TMEM26: variants seen among roughly 807,000 people sequenced by gnomAD.
TMEM26 encodes the protein transmembrane protein 26.
Under a neutral mutation model 28.8 loss-of-function variants are expected in TMEM26, and 38 were observed. That is an observed-to-expected ratio of 1.32 (90% CI 1.02 to 1.73). TMEM26 has a LOEUF of 1.73. TMEM26 is among the 40% of genes most tolerant of loss of function. TMEM26 has a pLI of 0.00. For missense variants in TMEM26, 518 were observed against 447.1 expected, an observed-to-expected ratio of 1.16 and a Z score of -1.43; for synonymous variants, 227 against 182.9, an observed-to-expected ratio of 1.24 and a Z score of -1.95.
At chr10:61,421,508 G>A in intron 4 of TMEM26, among the ~76,000 whole-genome samples, 1 of 152,038 alleles carries the variant, frequency 6.6e-6, no homozygotes, top group East Asian at 1.9e-4. Context: ...TTAAGATGAG[G>A]TCATATGGAT....
rs1484710415 is a variant in TMEM26, at chr10:61,410,097, CT to C, written c.*224del. ...AACAAATCACTTAGTCGTTGAACAACTATAACATCTGATACCATCACACAGA... is the reference window on the plus strand; with the variant it reads ...AACAAATCACTTAGTCGTTGAACAACATAACATCTGATACCATCACACAGA... On this transcript the variant is annotated 3_prime_UTR_variant, in exon 6 of 6. Coordinates refer to ENST00000399298, the MANE Select transcript of TMEM26 (RefSeq NM_178505.8). The C allele has an allele frequency of 1.8e-6, 1 of 568,722 alleles. No homozygotes were observed. Among genetic ancestry groups the C allele is most frequent in the Non-Finnish European group, 3.1e-6 (1 of 321,826 alleles). 35.2% of individuals were successfully genotyped at this position (568,722 alleles called of 1,614,324 possible).
At chr10:61,441,035 T>G (rs1167381761) in intron 1 of TMEM26, among the ~76,000 whole-genome samples, 1 of 152,192 alleles carries the variant, frequency 6.6e-6, no homozygotes, top group Non-Finnish European at 1.5e-5. Flanking sequence ...TACAGTATTG[T>G]TTTTTATTTG....
chr10:61,431,300 C>T lies in TMEM26; in HGVS notation c.303G>A (p.Gln101=). 6.2e-7 allele frequency: 1 copy of T among 1,613,098 alleles called. No homozygotes were observed. Among genetic ancestry groups the T allele is most frequent in the Non-Finnish European group, 8.5e-7 (1 of 1,179,320 alleles). ...YCSIQAEGTS[Q]NTSRKEDFNQ... ...TGAAGTCTTCTTTTCTGCTGGTATT[C>T]TGTGATGTTCCTTCAGCCTGGATAC... Residue 101 remains glutamine (Q), a synonymous_variant, in exon 3 of 6, where the codon CAG becomes CAA. Coordinates refer to ENST00000399298, the MANE Select transcript of TMEM26 (RefSeq NM_178505.8).
intron 1 of TMEM26, among the ~76,000 whole-genome samples, chr10:61,442,247 C>T (rs1840107230): frequency 6.6e-6 from 1 of 152,004 alleles, no homozygotes; most frequent in Non-Finnish European, 1.5e-5. Flanking sequence ...CAATTTAGCC[C>T]TGCAGTAGAT....
chr10:61,413,567 TA>T (rs773426877), intron 4 of TMEM26, 32 bp from the exon 5 acceptor site: 1 of 1,576,898 alleles, frequency 6.3e-7, no homozygotes, highest in Non-Finnish European at 8.6e-7. Context: ...AAATTTGTAA[TA>T]AAAAGTATGA....
chr10:61,452,963 G>T lies in TMEM26; in HGVS notation c.119C>A (p.Ala40Glu), dbSNP rs1466041446. Residue 40 changes from alanine (A) to glutamate (E), a missense_variant, in exon 1 of 6, where the codon GCG becomes GAG. By Grantham distance (107) the Ala-to-Glu change is moderately radical. Coordinates refer to ENST00000399298, the MANE Select transcript of TMEM26 (RefSeq NM_178505.8). ...CAGGAAGAGCAAGAGGTTGAGCAGC[G>T]CAAGCAGCCAGTACCGCGGCTCCTT... ...VKKEPRYWLL[A>E]LLNLLLFLET... 2.5e-6 allele frequency: 4 copies of T among 1,613,932 alleles called. No individual in the cohort carries two copies. Among genetic ancestry groups the T allele is most frequent in the Non-Finnish European group, 3.4e-6 (4 of 1,180,020 alleles).
intron 1 of TMEM26, among the ~76,000 whole-genome samples, chr10:61,445,273 G>A (rs1214604404): frequency 5.3e-5 from 8 of 152,128 alleles, no homozygotes; most frequent in African/African-American, 1.2e-4. Context: ...TTATTTTGAG[G>A]CTATTTCAGG....
chr10:61,441,228 A>T lies in TMEM26; in HGVS notation c.192-4980T>A, dbSNP rs1589042266. Reference sequence around the variant, plus strand: ...CTCGCCACAAACATTTAGTGATTCGATAAGGCTCTGGTTGATTTACAGTTT... The same window carrying T: ...CTCGCCACAAACATTTAGTGATTCGTTAAGGCTCTGGTTGATTTACAGTTT... On this transcript the variant is annotated intron_variant, in intron 1 of 5. Transcript: ENST00000399298. Among the ~76,000 whole-genome samples, 5 of 152,312 alleles carry T rather than the reference A, an allele frequency of 3.3e-5. No individual in the cohort carries two copies. In the South Asian group the frequency reaches 1.0e-3, roughly 32 times the overall value.
At chr10:61,427,453 G>A (rs1589033383) in intron 4 of TMEM26, among the ~76,000 whole-genome samples, 1 of 152,082 alleles carries the variant, frequency 6.6e-6, no homozygotes, top group Non-Finnish European at 1.5e-5. Flanking sequence ...AATGCCTTAT[G>A]GTTTTCAAGA....
chr10:61,410,385 C>T lies in TMEM26; in HGVS notation c.1044G>A (p.Glu348=), dbSNP rs375134187. Reference sequence around the variant, plus strand: ...AGCCCCGCAAAGGAATAGCCAGGCCCTCCTTAGACTCGTTCTGCCAGTCCC... The same window carrying T: ...AGCCCCGCAAAGGAATAGCCAGGCCTTCCTTAGACTCGTTCTGCCAGTCCC... The part of the protein sequence containing the change: ...SQRDWQNESK[E]GLAIPLRGSP... Residue 348 remains glutamate (E), a synonymous_variant, in exon 6 of 6, where the codon GAG becomes GAA. Transcript: ENST00000399298. 38 of 1,613,856 alleles carry T rather than the reference C, an allele frequency of 2.4e-5. No homozygotes were observed. In the East Asian group the frequency reaches 8.0e-4, roughly 34 times the overall value.
chr10:61,425,305 C>T (rs1426066808), intron 4 of TMEM26, among the ~76,000 whole-genome samples: 2 of 152,056 alleles, frequency 1.3e-5, no homozygotes, highest in Non-Finnish European at 2.9e-5. Context: ...GTGGGAGTTA[C>T]AATTCAAGAT....
At position 61,415,191 on chromosome 10, in the gene TMEM26, A is replaced by G. The variant is rs946615514; in HGVS notation, c.606-1656T>C. On this transcript the variant is annotated intron_variant, in intron 4 of 5. Transcript: ENST00000399298. ...AATAGAATTGGATAGAAGAAAGAGC[A>G]TTTCACAGCAGCAGCCATAAAAAAG... 14 of 981,384 alleles carry G rather than the reference A, an allele frequency of 1.4e-5. No homozygotes were observed. In the Admixed American group the frequency reaches 6.8e-4, roughly 47 times the overall value. The allele number at this position is 981,384 out of a possible 1,614,324, so 60.8% of individuals were successfully genotyped here. A position where few individuals can be genotyped will look rare whatever the true frequency, so the allele number is the denominator to read the frequency against.
chr10:61,430,523 T>G (rs752345502), intron 3 of TMEM26, among the ~76,000 whole-genome samples: 45 of 151,010 alleles, frequency 3.0e-4, no homozygotes, highest in Non-Finnish European at 6.0e-4. Flanking sequence ...AAACTGCCTC[T>G]GTTCACAGTT....
intron 4 of TMEM26, among the ~76,000 whole-genome samples, chr10:61,423,075 T>C (rs146170054): frequency 2.0e-4 from 31 of 152,216 alleles, no homozygotes; most frequent in African/African-American, 6.7e-4. Context: ...TGGACAACTT[T>C]ATGACAAAAA....
At chr10:61,441,409 T>A (rs552484177) in intron 1 of TMEM26, among the ~76,000 whole-genome samples, 1 of 152,354 alleles carries the variant, frequency 6.6e-6, no homozygotes, top group Non-Finnish European at 1.5e-5. Context: ...ATCTTTGCCA[T>A]TAATTACTAT....
chr10:61,441,727 C>T (rs1840096321), intron 1 of TMEM26, among the ~76,000 whole-genome samples: 1 of 152,104 alleles, frequency 6.6e-6, no homozygotes, highest in Non-Finnish European at 1.5e-5. Context: ...AAAATTTTTA[C>T]AAATGGACAA....
intron 1 of TMEM26, among the ~76,000 whole-genome samples, chr10:61,451,179 C>T (rs1204591483): frequency 6.6e-6 from 1 of 152,172 alleles, no homozygotes; most frequent in Non-Finnish European, 1.5e-5. Context: ...TTATCCCAAC[C>T]ATTTTTCCTC....
chr10:61,421,169 T>C (rs1386693999), intron 4 of TMEM26, among the ~76,000 whole-genome samples: 4 of 151,956 alleles, frequency 2.6e-5, no homozygotes, highest in Admixed American at 2.6e-4. Context: ...AAATGTATAT[T>C]GTAACCCCTA....
chr10:61,428,579 T>C (rs1839868961), intron 4 of TMEM26, among the ~76,000 whole-genome samples: 1 of 152,044 alleles, frequency 6.6e-6, no homozygotes, highest in African/African-American at 2.4e-5. Flanking sequence ...CACTTGGGAA[T>C]GGAAAAGAGG....
Sources: allele counts gnomAD v4.1 joint callset (sites outside exome capture counted in the v4.1 genomes callset), GRCh38; gene constraint gnomAD v4.1.1; transcripts MANE v1.5; gene names NCBI Gene and HGNC (gene_info 2026-07-23, HGNC 2026-07-21).